Variants in INSC observed in about 807,000 individuals in gnomAD.
INSC encodes protein inscuteable homolog.
In INSC, 67 loss-of-function variants were observed where a neutral mutation model predicts 58.6. That is an observed-to-expected ratio of 1.14 (90% CI 0.94 to 1.40). The LOEUF is 1.40. INSC is among the 40% of genes most tolerant of loss of function. The pLI is 0.00. For missense variants in INSC, 714 were observed against 692.0 expected (o/e 1.03, Z -0.36); for synonymous variants, 262 against 276.1 (o/e 0.95, Z 0.51).
intron 7 of INSC, among the ~76,000 whole-genome samples, chr11:15,209,060 A>G (rs1052205261): frequency 1.5e-5 from 2 of 134,806 alleles, no homozygotes; most frequent in Admixed American, 6.9e-5. Flanking sequence ...AGATTTCCCC[A>G]GAGAGTCTGT....
At chr11:15,234,878 T>C (rs1242858473) in intron 9 of INSC, among the ~76,000 whole-genome samples, 1 of 152,132 alleles carries the variant, frequency 6.6e-6, no homozygotes, top group Non-Finnish European at 1.5e-5. Flanking sequence ...GTGAGTTCTT[T>C]TCTCCCTTGA....
At chr11:15,153,707 T>G (rs1232694882) in intron 2 of INSC, among the ~76,000 whole-genome samples, 1 of 152,152 alleles carries the variant, frequency 6.6e-6, no homozygotes, top group Non-Finnish European at 1.5e-5. Context: ...GAGGCTGGAT[T>G]TATACTTTTG....
chr11:15,175,850 G>C lies in INSC; in HGVS notation c.166G>C (p.Glu56Gln). 1 of 1,613,624 alleles carries C rather than the reference G, an allele frequency of 6.2e-7. No individual in the cohort carries two copies. Among genetic ancestry groups the C allele is most frequent in the Non-Finnish European group, 8.5e-7 (1 of 1,179,528 alleles). Residue 56 changes from glutamate (E) to glutamine (Q), a missense_variant, in exon 3 of 13, where the codon GAG becomes CAG. Physicochemically the swap from Glu to Gln is conservative, Grantham distance 29. Transcript: ENST00000379556. ...VLQAKPISLE[E>Q]DAQGDLILAG... Reference sequence around the variant, plus strand: ...GCAGGCCAAGCCCATCAGCCTGGAAGAGGATGCACAGGGTGACCTCATCCT... The same window carrying C: ...GCAGGCCAAGCCCATCAGCCTGGAACAGGATGCACAGGGTGACCTCATCCT...
intron 6 of INSC, among the ~76,000 whole-genome samples, chr11:15,193,510 T>C (rs893266256): frequency 1.4e-4 from 22 of 152,242 alleles, no homozygotes; most frequent in African/African-American, 5.1e-4. Flanking sequence ...GTTCTCATTG[T>C]TCTGTTCCCA....
At chr11:15,148,357 A>G (rs942918837) in intron 1 of INSC, among the ~76,000 whole-genome samples, 33 of 152,182 alleles carry the variant, frequency 2.2e-4, no homozygotes, top group Admixed American at 2.2e-3. Context: ...TTTTCTTGGT[A>G]TGCTAACTTT....
At chr11:15,157,372 C>G (rs1036119176) in intron 2 of INSC, among the ~76,000 whole-genome samples, 3 of 152,194 alleles carry the variant, frequency 2.0e-5, no homozygotes, top group Non-Finnish European at 2.9e-5. Flanking sequence ...CTGCCTTTAC[C>G]TCAATTTTCA....
the INSC span, among the ~76,000 whole-genome samples, chr11:15,263,010 A>G: frequency 1.3e-5 from 2 of 152,192 alleles, no homozygotes; most frequent in African/African-American, 4.8e-5. Flanking sequence ...AAAACTATTA[A>G]AAATGACCAG....
intron 10 of INSC, among the ~76,000 whole-genome samples, chr11:15,237,441 G>A (rs1281690930): frequency 1.3e-5 from 2 of 152,232 alleles, no homozygotes; most frequent in Non-Finnish European, 2.9e-5. Flanking sequence ...CATGAAGCAC[G>A]TTAGAAGATT....
rs1012276016 is a variant in INSC, at chr11:15,175,880, G to C, written c.196G>C (p.Gly66Arg). 1 of 1,614,088 alleles carries C rather than the reference G, an allele frequency of 6.2e-7. No homozygotes were observed. ...EDAQGDLILA[G>R]GPGPGDPLQL... The stretch of plus-strand genomic sequence containing the variant: ...TGCACAGGGTGACCTCATCCTGGCA[G>C]GTGGCCCTGGCCCTGGAGACCCCCT... The change falls in exon 3 of 13, where the codon GGT (glycine) becomes CGT (arginine). Residue 66 changes from glycine (G) to arginine (R), a missense_variant. Physicochemically the swap from Gly to Arg is moderately radical, Grantham distance 125. Coordinates refer to ENST00000379556, the MANE Select transcript of INSC (RefSeq NM_001042536.3).
At chr11:15,200,129 A>G (rs979817997) in intron 6 of INSC, among the ~76,000 whole-genome samples, 1 of 149,834 alleles carries the variant, frequency 6.7e-6, no homozygotes, top group Non-Finnish European at 1.5e-5. Context: ...AAGAGCTGCG[A>G]TGATTGTTTT....
chr11:15,196,210 C>A (rs11826213), intron 6 of INSC, among the ~76,000 whole-genome samples: 3,525 of 152,308 alleles, frequency 0.023, 139 homozygotes, highest in African/African-American at 0.079. Flanking sequence ...TTAACAACAA[C>A]GATAATAATT....
chr11:15,155,014 C>T (rs561933921), intron 2 of INSC, among the ~76,000 whole-genome samples: 1 of 152,266 alleles, frequency 6.6e-6, no homozygotes, highest in South Asian at 2.1e-4. Flanking sequence ...ATAGAAGCCC[C>T]TTGGTATAGC....
chr11:15,259,465 G>A, the INSC span, among the ~76,000 whole-genome samples: 2 of 152,046 alleles, frequency 1.3e-5, no homozygotes, highest in Admixed American at 6.5e-5. Context: ...ATAATAAAAT[G>A]TTTCTCTTTT....
intron 9 of INSC, among the ~76,000 whole-genome samples, chr11:15,227,017 T>A (rs1233772903): frequency 2.0e-5 from 3 of 152,198 alleles, no homozygotes; most frequent in African/African-American, 7.2e-5. Context: ...AATTTTCTAG[T>A]ATCTAAGCAT....
At chr11:15,127,955 G>A (rs188887273) in intron 1 of INSC, among the ~76,000 whole-genome samples, 178 of 151,824 alleles carry the variant, frequency 1.2e-3, no homozygotes, top group East Asian at 8.5e-3. Context: ...AGATCGTGCC[G>A]TTGCACTCCA....
chr11:15,142,822 T>C (rs1848403691), intron 1 of INSC, among the ~76,000 whole-genome samples: 1 of 152,030 alleles, frequency 6.6e-6, no homozygotes, highest in African/African-American at 2.4e-5. Context: ...TTTGTATATA[T>C]ATTTTTATTA....
intron 9 of INSC, among the ~76,000 whole-genome samples, chr11:15,229,980 TA>T (rs1564917287): frequency 1.1e-3 from 35 of 31,668 alleles, no homozygotes; most frequent in South Asian, 4.0e-3. Context: ...ATATATATAT[TA>T]TATATATATA....
At chr11:15,267,930 C>G in the INSC span, among the ~76,000 whole-genome samples, 1 of 151,906 alleles carries the variant, frequency 6.6e-6, no homozygotes, top group East Asian at 1.9e-4. Context: ...ATCTTCAGAG[C>G]TCTCTCTCTG....
At chr11:15,190,211 G>C (rs971903978) in intron 5 of INSC, among the ~76,000 whole-genome samples, 13 of 152,172 alleles carry the variant, frequency 8.5e-5, no homozygotes, top group African/African-American at 3.1e-4. Context: ...AAACTACTGT[G>C]GAGCACTTCT....
Sources: allele counts gnomAD v4.1 joint callset (sites outside exome capture counted in the v4.1 genomes callset), GRCh38; gene constraint gnomAD v4.1.1; transcripts MANE v1.5; gene names NCBI Gene and HGNC (gene_info 2026-07-23, HGNC 2026-07-21).